SNTG1: variants seen among roughly 807,000 people sequenced by gnomAD.
SNTG1 encodes the protein gamma-1-syntrophin.
A neutral mutation model predicts 74.7 loss-of-function variants in SNTG1; 39 were observed. The ratio of observed to expected loss-of-function variants is 0.52; its 90% CI spans 0.40 to 0.68. SNTG1 has a LOEUF of 0.68. Among genes scored for constraint, SNTG1 ranks in the 30% least tolerant of loss-of-function variants. SNTG1 has a pLI of 0.00. For missense variants in SNTG1, 685 were observed against 609.5 expected, an observed-to-expected ratio of 1.12 and a Z score of -1.30; for synonymous variants, 254 against 217.1, an observed-to-expected ratio of 1.17 and a Z score of -1.49.
intron 2 of SNTG1, among the ~76,000 whole-genome samples, chr8:50,174,589 T>A (rs139816134): frequency 6.6e-6 from 1 of 152,354 alleles, no homozygotes; most frequent in East Asian, 1.9e-4. Flanking sequence ...AATGCCATTA[T>A]ATACCCAATG....
At chr8:49,919,037 C>T (rs1329673455) in intron 1 of SNTG1, among the ~76,000 whole-genome samples, 2 of 152,236 alleles carry the variant, frequency 1.3e-5, no homozygotes, top group Non-Finnish European at 2.9e-5. Flanking sequence ...GGTTTGCCTA[C>T]GTGATAACAT....
chr8:50,078,576 G>A (rs140601413), intron 1 of SNTG1, among the ~76,000 whole-genome samples: 2 of 151,986 alleles, frequency 1.3e-5, no homozygotes, highest in East Asian at 3.9e-4. Flanking sequence ...TTAAGTTCTG[G>A]GATACACCTG....
chr8:50,687,707 G>A (rs1376631223), intron 15 of SNTG1, among the ~76,000 whole-genome samples: 1 of 152,162 alleles, frequency 6.6e-6, no homozygotes, highest in Non-Finnish European at 1.5e-5. Flanking sequence ...ATCTTGTAAT[G>A]CTATCCCTCC....
At chr8:50,063,158 T>G (rs1296298234) in intron 1 of SNTG1, among the ~76,000 whole-genome samples, 1 of 152,250 alleles carries the variant, frequency 6.6e-6, no homozygotes, top group African/African-American at 2.4e-5. Flanking sequence ...TCTGGAGTTC[T>G]TGCATCAGAT....
intron 15 of SNTG1, among the ~76,000 whole-genome samples, chr8:50,679,152 T>G (rs557004505): frequency 6.6e-6 from 1 of 152,240 alleles, no homozygotes; most frequent in Admixed American, 6.6e-5. Flanking sequence ...TTTTCTGACT[T>G]TATTCATGGC....
chr8:50,686,681 T>G (rs888311866), intron 15 of SNTG1, among the ~76,000 whole-genome samples: 1 of 152,162 alleles, frequency 6.6e-6, no homozygotes, highest in African/African-American at 2.4e-5. Context: ...ATAAGTTACT[T>G]TTTTTCAGTG....
chr8:50,511,100 A>T (rs1261238911), intron 9 of SNTG1, among the ~76,000 whole-genome samples: 1 of 152,174 alleles, frequency 6.6e-6, no homozygotes, highest in Non-Finnish European at 1.5e-5. Context: ...TGTCCCAAAG[A>T]TTCTGGCATG....
At chr8:50,343,220 A>C (rs2091371434) in intron 2 of SNTG1, among the ~76,000 whole-genome samples, 1 of 152,340 alleles carries the variant, frequency 6.6e-6, no homozygotes, top group Admixed American at 6.5e-5. Context: ...CACACTAAAA[A>C]GTGGGGAAAA....
chr8:50,474,118 T>C (rs1418783250), intron 8 of SNTG1, among the ~76,000 whole-genome samples: 6 of 151,922 alleles, frequency 3.9e-5, no homozygotes, highest in Admixed American at 3.3e-4. Context: ...TAAAAATGAT[T>C]AAGATGGAAG....
At chr8:50,036,333 G>A (rs11994226) in intron 1 of SNTG1, among the ~76,000 whole-genome samples, 16,308 of 152,128 alleles carry the variant, frequency 0.11, 2,246 homozygotes, top group African/African-American at 0.31. Context: ...ACTGTGCCCA[G>A]TGTCAACCAC....
At chr8:50,266,985 A>C (rs2087515536) in intron 2 of SNTG1, among the ~76,000 whole-genome samples, 1 of 151,966 alleles carries the variant, frequency 6.6e-6, no homozygotes. Context: ...GAACATTTAT[A>C]TTTAAGACAC....
chr8:50,487,682 T>G (rs568034053), intron 8 of SNTG1, among the ~76,000 whole-genome samples: 14 of 99,112 alleles, frequency 1.4e-4, no homozygotes, highest in Non-Finnish European at 3.0e-4. Flanking sequence ...CTCTGGGGAC[T>G]GTTGTGGGGT....
chr8:50,509,243 T>G (rs1486796968), intron 9 of SNTG1, among the ~76,000 whole-genome samples: 1 of 152,188 alleles, frequency 6.6e-6, no homozygotes, highest in Non-Finnish European at 1.5e-5. Context: ...ATATGCAGCA[T>G]TATTTCTGAG....
At chr8:50,153,674 A>T (rs1309014372) in intron 1 of SNTG1, among the ~76,000 whole-genome samples, 2 of 152,166 alleles carry the variant, frequency 1.3e-5, no homozygotes, top group African/African-American at 4.8e-5. Context: ...TCCACTCCAG[A>T]CCCTGTTTGC....
At chr8:50,042,376 T>C (rs1263256533) in intron 1 of SNTG1, among the ~76,000 whole-genome samples, 3 of 152,102 alleles carry the variant, frequency 2.0e-5, no homozygotes, top group Non-Finnish European at 4.4e-5. Flanking sequence ...AAGAAACTTT[T>C]AAAAATGCAA....
chr8:50,653,069 T>A (rs557121191), intron 13 of SNTG1, among the ~76,000 whole-genome samples: 3 of 152,116 alleles, frequency 2.0e-5, no homozygotes, highest in Non-Finnish European at 2.9e-5. Flanking sequence ...AGATAAACCT[T>A]ACAGAGACAG....
intron 15 of SNTG1, among the ~76,000 whole-genome samples, chr8:50,691,672 G>A (rs931336322): frequency 1.3e-5 from 2 of 152,098 alleles, no homozygotes; most frequent in African/African-American, 2.4e-5. Context: ...CTCTCTGGCT[G>A]CCCTTAACAT....
chr8:50,712,401 G>A (rs1007231946), intron 17 of SNTG1, among the ~76,000 whole-genome samples: 4 of 152,162 alleles, frequency 2.6e-5, no homozygotes, highest in Non-Finnish European at 4.4e-5. Context: ...TTTGAGAATC[G>A]AAAACTAGTG....
At chr8:50,333,518 T>TACCTC (rs1563910640) in intron 2 of SNTG1, among the ~76,000 whole-genome samples, 3 of 152,248 alleles carry the variant, frequency 2.0e-5, no homozygotes, top group African/African-American at 7.2e-5. Context: ...GTTTCAAAGC[T>TACCTC]ACCTCCTGCC....
Sources: gnomAD v4.1 joint callset for allele counts (sites outside exome capture counted in the v4.1 genomes callset) on GRCh38, gnomAD v4.1.1 for gene constraint, MANE v1.5 for transcripts, NCBI Gene and HGNC (gene_info 2026-07-23, HGNC 2026-07-21) for gene names.